Variants in LRTM3 observed in about 807,000 individuals in gnomAD.
LRTM3 encodes leucine rich repeat transmembrane protein 3.
At chr13:102,730,257 C>A in the LRTM3 span, 1 of 1,551,368 alleles carries the variant, frequency 6.4e-7, no homozygotes, top group South Asian at 1.2e-5. Context: ...GTCTGTAATT[C>A]AAATAGAATG....
At chr13:102,751,592 C>A in the LRTM3 span, among the ~76,000 whole-genome samples, 3 of 152,046 alleles carry the variant, frequency 2.0e-5, no homozygotes, top group Non-Finnish European at 2.9e-5. Context: ...CATGAGCAAG[C>A]CTAAAATCAA....
At chr13:102,736,649 C>A in the LRTM3 span, 552 of 1,550,796 alleles carry the variant, frequency 3.6e-4, 3 homozygotes, top group African/African-American at 6.5e-3. Flanking sequence ...TTCCACCTCA[C>A]CTTCTTGTGC....
At chr13:102,733,182 G>A in the LRTM3 span, 375 of 1,551,256 alleles carry the variant, frequency 2.4e-4, no homozygotes, top group Non-Finnish European at 2.8e-4. Flanking sequence ...TGTTCACACC[G>A]TCGGATCACT....
chr13:102,758,588 GA>G, the LRTM3 span: 190 of 1,536,378 alleles, frequency 1.2e-4, no homozygotes, highest in Middle Eastern at 3.4e-4. Context: ...TATTTTAATG[GA>G]AAAAAAATTG....
At chr13:102,735,197 G>A in the LRTM3 span, 14 of 1,551,208 alleles carry the variant, frequency 9.0e-6, no homozygotes, top group East Asian at 9.8e-5. Flanking sequence ...TAAGACAGGC[G>A]ATTTCTTTGC....
At chr13:102,735,932 A>G in the LRTM3 span, 3 of 1,542,306 alleles carry the variant, frequency 1.9e-6, no homozygotes, top group South Asian at 1.2e-5. Context: ...TTGCTCTTCA[A>G]TGTGCAAAGA....
the LRTM3 span, chr13:102,736,777 A>T: frequency 6.4e-7 from 1 of 1,550,966 alleles, no homozygotes; most frequent in Non-Finnish European, 8.7e-7. Context: ...TTTTCTCTGA[A>T]ATATTTGCTT....
chr13:102,739,604 G>A, the LRTM3 span: 1 of 1,550,378 alleles, frequency 6.5e-7, no homozygotes, highest in Non-Finnish European at 8.7e-7. Flanking sequence ...TAACAGCAAA[G>A]GAAATTCCTT....
chr13:102,743,313 T>C, the LRTM3 span: 1 of 1,550,488 alleles, frequency 6.4e-7, no homozygotes, highest in Non-Finnish European at 8.7e-7. Context: ...TCTATCTCTG[T>C]TTGGAATCCA....
chr13:102,748,442 T>C, the LRTM3 span: 25 of 1,551,200 alleles, frequency 1.6e-5, no homozygotes, highest in Non-Finnish European at 1.8e-5. Context: ...TTTTTGTTTC[T>C]GTGTATTTTC....
At chr13:102,758,607 A>C in the LRTM3 span, 1 of 1,525,980 alleles carries the variant, frequency 6.6e-7, no homozygotes, top group East Asian at 2.5e-5. Flanking sequence ...TTGTTAGAGG[A>C]GTAATCGGAG....
the LRTM3 span, chr13:102,746,381 G>T: frequency 3.9e-6 from 6 of 1,550,772 alleles, no homozygotes; most frequent in East Asian, 2.4e-5. Flanking sequence ...TGTCTTATCT[G>T]CTGTTTCTCC....
At chr13:102,737,559 C>T in the LRTM3 span, 1 of 1,550,846 alleles carries the variant, frequency 6.4e-7, no homozygotes, top group Non-Finnish European at 8.7e-7. Flanking sequence ...CCTTCTCCAT[C>T]CCTTTTCCCT....
At chr13:102,748,198 T>C in the LRTM3 span, 41 of 1,551,030 alleles carry the variant, frequency 2.6e-5, no homozygotes, top group South Asian at 4.6e-4. Context: ...TTTCTTTATC[T>C]TGATGCATAT....
the LRTM3 span, chr13:102,736,925 A>T: frequency 1.3e-6 from 2 of 1,550,694 alleles, no homozygotes; most frequent in African/African-American, 2.7e-5. Context: ...AGATCTTGTT[A>T]CTCCTTGTTC....
the LRTM3 span, chr13:102,738,737 A>G: frequency 2.5e-5 from 39 of 1,550,510 alleles, no homozygotes; most frequent in Middle Eastern, 6.7e-4. Flanking sequence ...CTCTCCTTCT[A>G]TTGTGCCCAC....
the LRTM3 span, chr13:102,735,075 A>T: frequency 6.4e-7 from 1 of 1,551,126 alleles, no homozygotes; most frequent in Non-Finnish European, 8.7e-7. Flanking sequence ...AGTGGGGAGG[A>T]TCTAGAAGGA....
the LRTM3 span, chr13:102,736,801 C>A: frequency 6.4e-7 from 1 of 1,551,078 alleles, no homozygotes; most frequent in South Asian, 1.2e-5. Flanking sequence ...CCTTTTGGAT[C>A]TGGGCCATGT....
At chr13:102,744,422 G>T in the LRTM3 span, 2 of 1,549,504 alleles carry the variant, frequency 1.3e-6, no homozygotes, top group Non-Finnish European at 1.7e-6. Flanking sequence ...GGTATCACGT[G>T]GTATTGAACC....
Sources: gnomAD v4.1 joint callset for allele counts (sites outside exome capture counted in the v4.1 genomes callset) on GRCh38, gnomAD v4.1.1 for gene constraint, MANE v1.5 for transcripts, NCBI Gene and HGNC (gene_info 2026-07-23, HGNC 2026-07-21) for gene names.